CCDC40: variants seen among roughly 807,000 people sequenced by gnomAD.
The protein encoded by CCDC40 is coiled-coil domain-containing protein 40.
A neutral mutation model predicts 124.5 loss-of-function variants in CCDC40; 104 were observed. The observed-to-expected ratio is 0.84, with a 90% CI of 0.71 to 0.98. The LOEUF (loss-of-function observed/expected upper bound fraction) is 0.98, where lower values mean the gene tolerates loss of function less well. Ranked by LOEUF, CCDC40 falls within the 50% of genes least tolerant of loss-of-function variation. CCDC40 has a pLI of 0.00. For missense variants in CCDC40, 1,463 were observed against 1,503.9 expected, an observed-to-expected ratio of 0.97 and a Z score of 0.45; for synonymous variants, 580 against 602.9, an observed-to-expected ratio of 0.96 and a Z score of 0.56.
At chr17:80,045,594 C>T (rs2037400702) in intron 3 of CCDC40, among the ~76,000 whole-genome samples, 1 of 152,044 alleles carries the variant, frequency 6.6e-6, no homozygotes, top group South Asian at 2.1e-4. Context: ...ATCCCAGCTA[C>T]TCAGGAGGCT....
chr17:80,044,947 T>C (rs937710716), intron 3 of CCDC40, among the ~76,000 whole-genome samples: 1 of 152,048 alleles, frequency 6.6e-6, no homozygotes, highest in African/African-American at 2.4e-5. Context: ...TTTGGGACAG[T>C]GTGAGTGGAG....
At chr17:80,067,514 A>T in intron 10 of CCDC40, 1 of 1,322,122 alleles carries the variant, frequency 7.6e-7, no homozygotes, top group Non-Finnish European at 1.1e-6. Flanking sequence ...GCGTGTCCCT[A>T]GAGCGCTTCC....
rs868335364 is a variant in CCDC40 at position 80,037,714 on chromosome 17, T to C, written c.30-409T>C. Among the ~76,000 whole-genome samples, 40 of 137,960 alleles carry C rather than the reference T, an allele frequency of 2.9e-4. No individual in the cohort carries two copies. The South Asian group carries it at 8.4e-3, about 29-fold the overall frequency. 90.5% of individuals were successfully genotyped at this position (137,960 alleles called of 152,430 possible). ...AGATATACATATATATATATATATATATATATTCCTGTGCTACGTAAATCG... is the reference window on the plus strand; with the variant it reads ...AGATATACATATATATATATATATACATATATTCCTGTGCTACGTAAATCG... On this transcript the variant is annotated intron_variant, in intron 1 of 19. Coordinates refer to ENST00000397545, the MANE Select transcript of CCDC40 (RefSeq NM_017950.4).
intron 17 of CCDC40, among the ~76,000 whole-genome samples, chr17:80,091,422 A>G (rs1271563818): frequency 6.6e-6 from 1 of 152,062 alleles, no homozygotes; most frequent in East Asian, 1.9e-4. Flanking sequence ...AAGTCCTAGT[A>G]TCCGGCATCT....
rs376842482 is a variant in CCDC40 at position 80,039,992 on chromosome 17, G to C, written c.274G>C (p.Glu92Gln). The C allele has an allele frequency of 6.2e-7, 1 of 1,614,156 alleles. No individual in the cohort carries two copies. The highest frequency in any genetic ancestry group is 2.2e-5 in the East Asian group (1 of 44,874). The stretch of plus-strand genomic sequence containing the variant: ...TGTGTCCTATGGAGATGCTGAAAGC[G>C]AAGAGGAATATTACTATACAGAAAC... ...EAVSYGDAESEEEYYYTETSS... is the reference protein window; with the variant it reads ...EAVSYGDAESQEEYYYTETSS... Residue 92 changes from glutamate (E) to glutamine (Q), a missense_variant, in exon 3 of 20, where the codon GAA becomes CAA. Transcript: ENST00000397545.
At chr17:80,047,519 G>A (rs2037459091) in intron 4 of CCDC40, 117 bp downstream of exon 4, 3 of 1,085,890 alleles carry the variant, frequency 2.8e-6, no homozygotes, top group Non-Finnish European at 2.7e-6. Context: ...GTGGCTGTGA[G>A]CTGAAAGAGA....
In CCDC40 at chr17:80,084,837, T is replaced by C. The variant is rs754822862; in HGVS notation, c.2084T>C (p.Leu695Pro). The change falls in exon 13 of 20, where the codon CTG (leucine) becomes CCG (proline). Residue 695 changes from leucine to proline, a missense_variant. Transcript: ENST00000397545. ...AGGCTGGACGCACACCAGAAGACCC[T>C]GGTGGAGCTGGACCAGGACGTGAAG... ...SSRLDAHQKTLVELDQDVKKV... is the reference protein window; with the variant it reads ...SSRLDAHQKTPVELDQDVKKV... The C allele has an allele frequency of 6.2e-7, 1 of 1,614,180 alleles. No individual in the cohort carries two copies. Among genetic ancestry groups the C allele is most frequent in the South Asian group, 1.1e-5 (1 of 91,078 alleles).
chr17:80,072,981 C>T (rs1410928098), intron 10 of CCDC40, among the ~76,000 whole-genome samples: 2 of 121,540 alleles, frequency 1.6e-5, no homozygotes, highest in African/African-American at 3.2e-5. Context: ...TGCGTGGAAT[C>T]GCTTTTGTTT....
intron 10 of CCDC40, among the ~76,000 whole-genome samples, chr17:80,075,900 A>G (rs998501373): frequency 2.6e-5 from 4 of 152,176 alleles, no homozygotes. Flanking sequence ...TCAGCGCAGA[A>G]AGTCACTCCC....
intron 7 of CCDC40, among the ~76,000 whole-genome samples, chr17:80,052,183 G>T (rs757821699): frequency 1.1e-4 from 17 of 152,208 alleles, no homozygotes; most frequent in Non-Finnish European, 1.9e-4. Context: ...TAACAGGATA[G>T]ATATATAGAG....
In CCDC40 at chr17:80,085,051, C is replaced by T. The variant is rs1369725307; in HGVS notation, c.2235+63C>T. On this transcript the variant is annotated intron_variant, in intron 13 of 19. Transcript: ENST00000397545. Reference sequence around the variant, plus strand: ...CTGTGGTGCCTGGTGGGGCAGAGCCCCCTCAGATCCCCCACGGTCAGACAT... The same window carrying T: ...CTGTGGTGCCTGGTGGGGCAGAGCCTCCTCAGATCCCCCACGGTCAGACAT... 4.4e-6 allele frequency: 7 copies of T among 1,586,554 alleles called. No individual in the cohort carries two copies. In the African/African-American group the frequency reaches 6.7e-5, roughly 15 times the overall value.
At chr17:80,048,493 G>A in intron 4 of CCDC40, 90 bp from the exon 5 acceptor site, 1 of 1,040,734 alleles carries the variant, frequency 9.6e-7, no homozygotes, top group Non-Finnish European at 1.5e-6. Flanking sequence ...CATGAGGCAT[G>A]ACAGCAGCTG....
chr17:80,052,041 C>A lies in CCDC40; in HGVS notation c.1159+1758C>A, dbSNP rs142583923. On this transcript the variant is annotated intron_variant, in intron 7 of 19. Transcript: ENST00000397545. ...TGAAGAATTTGGGCAACGGTCCCGGCCCTGACCGGGGGGCAGCCACCACTG... is the reference window on the plus strand; with the variant it reads ...TGAAGAATTTGGGCAACGGTCCCGGACCTGACCGGGGGGCAGCCACCACTG... Among the ~76,000 whole-genome samples, 535 of 152,360 alleles carry A rather than the reference C, an allele frequency of 3.5e-3. 1 individual carries two copies. Among genetic ancestry groups the A allele is most frequent in the African/African-American group, 0.012 (510 of 41,582 alleles).
intron 12 of CCDC40, 92 bp downstream of exon 12, chr17:80,082,150 CAG>C: frequency 9.0e-7 from 1 of 1,108,224 alleles, no homozygotes; most frequent in Non-Finnish European, 1.4e-6. Flanking sequence ...AGGGCGGAGT[CAG>C]TGTGAGCAGA....
intron 3 of CCDC40, among the ~76,000 whole-genome samples, chr17:80,044,373 C>G (rs1257320816): frequency 6.6e-6 from 1 of 152,138 alleles, no homozygotes; most frequent in African/African-American, 2.4e-5. Context: ...AAACCAAAAT[C>G]TTATTTTAAG....
At chr17:80,097,673 T>A (rs952899167) in intron 19 of CCDC40, 4 of 492,662 alleles carry the variant, frequency 8.1e-6, no homozygotes, top group Non-Finnish European at 1.5e-5. Context: ...AAACAAACAT[T>A]CCTGTGCTCT....
intron 17 of CCDC40, chr17:80,090,691 G>A (rs934810703): frequency 7.0e-7 from 1 of 1,426,408 alleles, no homozygotes; most frequent in Non-Finnish European, 9.1e-7. Context: ...GTCACAATTA[G>A]ATTTCATTGC....
In CCDC40 at chr17:80,050,187, G is replaced by T; in HGVS notation, c.1063G>T (p.Ala355Ser). 1 of 1,612,712 alleles carries T rather than the reference G, an allele frequency of 6.2e-7. No individual in the cohort carries two copies. The highest frequency in any genetic ancestry group is 8.5e-7 in the Non-Finnish European group (1 of 1,179,846). Residue 355 changes from alanine to serine, a missense_variant, in exon 7 of 20, where the codon GCC becomes TCC. Physicochemically the swap from Ala to Ser is moderately conservative, Grantham distance 99. Transcript: ENST00000397545. ...LEKSHDRHAMASSERRQKEEE... is the reference protein window; with the variant it reads ...LEKSHDRHAMSSSERRQKEEE... ...GAAGAGTCACGACCGCCACGCAATG[G>T]CCTCGAGCGAGCGCAGGCAGAAGGA... is the stretch of plus-strand genomic sequence containing the variant.
chr17:80,057,078 AC>A (rs985296306), intron 7 of CCDC40, among the ~76,000 whole-genome samples: 1 of 151,624 alleles, frequency 6.6e-6, no homozygotes, highest in African/African-American at 2.4e-5. Flanking sequence ...CTCAAAGAGA[AC>A]TTAGAGGAAA....
Sources: gnomAD v4.1 joint callset for allele counts (sites outside exome capture counted in the v4.1 genomes callset) on GRCh38, gnomAD v4.1.1 for gene constraint, MANE v1.5 for transcripts, NCBI Gene and HGNC (gene_info 2026-07-23, HGNC 2026-07-21) for gene names.